The following FAM178B variants were observed in gnomAD, a reference collection of about 807,000 sequenced individuals.
FAM178B encodes protein FAM178B.
In FAM178B, 82 loss-of-function variants were observed where a neutral mutation model predicts 91.7. That is an observed-to-expected ratio of 0.89 (90% CI 0.75 to 1.07). The LOEUF is 1.07. Among genes scored for constraint, FAM178B ranks in the 50% least tolerant of loss-of-function variants. The probability of loss-of-function intolerance (pLI) is 0.00; values close to 1 mark genes in which losing one functional copy is unlikely to be tolerated. For missense variants in FAM178B, 769 were observed against 846.7 expected (o/e 0.91, Z 1.14); for synonymous variants, 368 against 359.4 (o/e 1.02, Z -0.27).
At chr2:96,971,021 T>A (rs2082210007) in intron 3 of FAM178B, among the ~76,000 whole-genome samples, 1 of 151,780 alleles carries the variant, frequency 6.6e-6, no homozygotes, top group African/African-American at 2.4e-5. Context: ...ATTCCTCATG[T>A]GCTTTCAGAG....
At chr2:96,913,364 C>A (rs1297740588) in intron 12 of FAM178B, among the ~76,000 whole-genome samples, 1 of 152,176 alleles carries the variant, frequency 6.6e-6, no homozygotes, top group Non-Finnish European at 1.5e-5. Flanking sequence ...CATGTGGCAT[C>A]ACTGTTTGGC....
chr2:96,983,902 CT>C (rs2082392407), intron 1 of FAM178B, among the ~76,000 whole-genome samples: 1 of 152,190 alleles, frequency 6.6e-6, no homozygotes, highest in Non-Finnish European at 1.5e-5. Context: ...ATAACTACTA[CT>C]TATTTATCCA....
At chr2:96,973,206 CAA>C (rs11308380) in intron 1 of FAM178B, among the ~76,000 whole-genome samples, 130 of 138,354 alleles carry the variant, frequency 9.4e-4, no homozygotes, top group African/African-American at 1.5e-3. Flanking sequence ...GACTCCATTT[CAA>C]AAAAAAAAAA....
intron 13 of FAM178B, 104 bp from the exon 14 acceptor site, chr2:96,894,155 G>A: frequency 7.3e-7 from 1 of 1,371,410 alleles, no homozygotes. Flanking sequence ...CAGTGTGTTA[G>A]GGCACTGGCT....
chr2:96,975,662 T>C (rs1352465100), intron 1 of FAM178B, among the ~76,000 whole-genome samples: 1 of 152,248 alleles, frequency 6.6e-6, no homozygotes, highest in Non-Finnish European at 1.5e-5. Context: ...GCCTAATTTC[T>C]TCTATCAAGC....
intron 7 of FAM178B, among the ~76,000 whole-genome samples, chr2:96,949,703 T>C (rs1016129804): frequency 6.6e-6 from 1 of 152,224 alleles, no homozygotes. Context: ...ACCCCTTTCA[T>C]GGATCTGGAT....
intron 9 of FAM178B, among the ~76,000 whole-genome samples, chr2:96,926,569 C>A (rs1254537018): frequency 1.3e-5 from 2 of 152,182 alleles, no homozygotes; most frequent in African/African-American, 4.8e-5. Flanking sequence ...TGAGCTCCCC[C>A]ACCACCCGCT....
chr2:96,902,792 C>A, intron 12 of FAM178B, 85 bp from the exon 13 acceptor site: 2 of 958,176 alleles, frequency 2.1e-6, no homozygotes, highest in South Asian at 2.8e-5. Flanking sequence ...GGAGAGGGGA[C>A]TTTGGGGGAG....
At chr2:96,942,840 C>CA (rs1451775364) in intron 8 of FAM178B, among the ~76,000 whole-genome samples, 1 of 152,130 alleles carries the variant, frequency 6.6e-6, no homozygotes, top group African/African-American at 2.4e-5. Context: ...CAAAAATAAA[C>CA]CCTTACATTT....
Position 96,978,974 on chromosome 2 carries a change from C to CTCTT in FAM178B, c.74-6369_74-6368insAAGA, listed in dbSNP as rs1365362614. The stretch of plus-strand genomic sequence containing the variant: ...ATAGTATTCTATGGTGTATGTATCA[C>CTCTT]TTTTTTTTTTTTTTTTTTTTTGAAA... On this transcript the variant is annotated intron_variant, in intron 1 of 16. Transcript: ENST00000490605. 2.1e-4 allele frequency among the ~76,000 whole-genome samples: 12 copies of CTCTT among 56,796 alleles called. 1 individual carries two copies. The highest frequency in any genetic ancestry group is 9.5e-4 in the South Asian group (2 of 2,098). The allele number at this position is 56,796 out of a possible 152,430, so 37.3% of individuals were successfully genotyped here. A position where few individuals can be genotyped will look rare whatever the true frequency, so the allele number is the denominator to read the frequency against.
intron 12 of FAM178B, among the ~76,000 whole-genome samples, chr2:96,906,406 T>C (rs2081056643): frequency 6.6e-6 from 1 of 152,066 alleles, no homozygotes; most frequent in African/African-American, 2.4e-5. Flanking sequence ...CCATGTGATA[T>C]GTGCATCGTG....
At chr2:96,942,323 A>G (rs1193378467) in intron 8 of FAM178B, among the ~76,000 whole-genome samples, 1 of 152,254 alleles carries the variant, frequency 6.6e-6, no homozygotes, top group African/African-American at 2.4e-5. Flanking sequence ...TTAAAATCCC[A>G]GCTTTCAATG....
At chr2:96,945,210 C>T (rs2081802752) in intron 8 of FAM178B, among the ~76,000 whole-genome samples, 1 of 152,194 alleles carries the variant, frequency 6.6e-6, no homozygotes, top group Non-Finnish European at 1.5e-5. Context: ...GAGCTCTCTG[C>T]ACAGCTGACA....
At chr2:96,912,994 G>A (rs188937165) in intron 12 of FAM178B, among the ~76,000 whole-genome samples, 83 of 152,364 alleles carry the variant, frequency 5.4e-4, no homozygotes, top group African/African-American at 2.0e-3. Context: ...GGAGCTCGAG[G>A]GAGATGTGGG....
intron 1 of FAM178B, among the ~76,000 whole-genome samples, chr2:96,984,050 A>T (rs777688143): frequency 6.6e-6 from 1 of 151,816 alleles, no homozygotes; most frequent in African/African-American, 2.4e-5. Flanking sequence ...GTTCACTGCA[A>T]CCTCCGCCTC....
intron 8 of FAM178B, among the ~76,000 whole-genome samples, chr2:96,934,763 T>A (rs2081597248): frequency 6.6e-6 from 1 of 152,208 alleles, no homozygotes; most frequent in Non-Finnish European, 1.5e-5. Flanking sequence ...CACATTCTTT[T>A]GGAACCTTCT....
At chr2:96,982,823 TC>T (rs2082379656) in intron 1 of FAM178B, among the ~76,000 whole-genome samples, 1 of 139,216 alleles carries the variant, frequency 7.2e-6, no homozygotes, top group Non-Finnish European at 1.5e-5. Flanking sequence ...CAAGCAATCC[TC>T]CTGCCTTGGC....
At chr2:96,916,051 T>C (rs2081236464) in intron 12 of FAM178B, among the ~76,000 whole-genome samples, 1 of 152,172 alleles carries the variant, frequency 6.6e-6, no homozygotes, top group Non-Finnish European at 1.5e-5. Context: ...ACTGAATCGA[T>C]GGTGGGGCAC....
intron 12 of FAM178B, among the ~76,000 whole-genome samples, chr2:96,914,598 C>T (rs1346517312): frequency 6.6e-6 from 1 of 152,140 alleles, no homozygotes; most frequent in Non-Finnish European, 1.5e-5. Flanking sequence ...TTTTAAAATA[C>T]CCACCAAGGG....
Sources: allele counts gnomAD v4.1 joint callset (sites outside exome capture counted in the v4.1 genomes callset), GRCh38; gene constraint gnomAD v4.1.1; transcripts MANE v1.5; gene names NCBI Gene and HGNC (gene_info 2026-07-23, HGNC 2026-07-21).